The following P2RY14 variants were observed in gnomAD, a reference collection of about 807,000 sequenced individuals.
The protein encoded by P2RY14 is purinergic receptor P2Y14.
P2RY14 carries 2 observed loss-of-function variants against 0.9 expected under a neutral mutation model. That is an observed-to-expected ratio of 2.16 (90% CI 0.88 to 6.79). P2RY14 has a LOEUF of 6.79. Ranked by LOEUF, P2RY14 falls within the 30% of genes most tolerant of loss-of-function variation. The pLI is 0.05. For synonymous variants in P2RY14, 158 were observed against 147.2 expected (o/e 1.07, Z -0.53); for missense variants, 378 against 400.1 (o/e 0.94, Z 0.47).
intron 1 of P2RY14, among the ~76,000 whole-genome samples, chr3:151,236,357 C>T (rs1732799480): frequency 6.6e-6 from 1 of 152,178 alleles, no homozygotes. Flanking sequence ...CCTTTTAAAT[C>T]TCTGGATCAC....
chr3:151,271,017 CAAAA>C (rs56917310), intron 1 of P2RY14, among the ~76,000 whole-genome samples: 1 of 143,974 alleles, frequency 6.9e-6, no homozygotes, highest in Non-Finnish European at 1.5e-5. Context: ...ACCCAAAAAC[CAAAA>C]AAAAAAAAAT....
intron 1 of P2RY14, among the ~76,000 whole-genome samples, chr3:151,274,302 G>A (rs1741488965): frequency 6.6e-6 from 1 of 152,162 alleles, no homozygotes; most frequent in South Asian, 2.1e-4. Flanking sequence ...CCAGTTATAA[G>A]GACAGCTGCT....
At chr3:151,229,894 G>T (rs571916379) in intron 1 of P2RY14, among the ~76,000 whole-genome samples, 1 of 152,208 alleles carries the variant, frequency 6.6e-6, no homozygotes, top group Admixed American at 6.5e-5. Context: ...TGAAGATGTT[G>T]TTCAAGTTGT....
At chr3:151,245,975 AACAG>A (rs1291549128) in intron 1 of P2RY14, among the ~76,000 whole-genome samples, 3 of 151,082 alleles carry the variant, frequency 2.0e-5, no homozygotes, top group Admixed American at 2.0e-4. Context: ...ATACACCAGC[AACAG>A]ACAAACAGAG....
chr3:151,244,974 G>T (rs1735076401), intron 1 of P2RY14, among the ~76,000 whole-genome samples: 1 of 151,408 alleles, frequency 6.6e-6, no homozygotes, highest in African/African-American at 2.4e-5. Flanking sequence ...ACTACCATCA[G>T]ATAATACTAC....
chr3:151,274,951 C>T (rs1183980761), intron 1 of P2RY14, among the ~76,000 whole-genome samples: 3 of 152,154 alleles, frequency 2.0e-5, no homozygotes, highest in African/African-American at 7.2e-5. Flanking sequence ...TTTCATTCAT[C>T]ATCTGTAGCA....
At chr3:151,239,595 T>C (rs571337473) in intron 1 of P2RY14, among the ~76,000 whole-genome samples, 1 of 152,292 alleles carries the variant, frequency 6.6e-6, no homozygotes, top group South Asian at 2.1e-4. Context: ...TATTTAAAAG[T>C]TTTATAACTG....
At chr3:151,272,985 T>C (rs919286428) in intron 1 of P2RY14, among the ~76,000 whole-genome samples, 4 of 152,168 alleles carry the variant, frequency 2.6e-5, no homozygotes, top group African/African-American at 7.2e-5. Flanking sequence ...AGGGCTGACA[T>C]GACTCTCAAA....
intron 1 of P2RY14, among the ~76,000 whole-genome samples, chr3:151,254,277 T>A (rs970133982): frequency 3.3e-5 from 5 of 152,230 alleles, no homozygotes; most frequent in Admixed American, 1.3e-4. Flanking sequence ...CTTTACCAGA[T>A]AATTATGTCC....
At position 151,213,141 on chromosome 3, in the gene P2RY14, A is replaced by G; in HGVS notation, c.*159T>C. On this transcript the variant is annotated 3_prime_UTR_variant, in exon 3 of 3. Coordinates refer to ENST00000309170, the MANE Select transcript of P2RY14 (RefSeq NM_014879.4). Reference sequence around the variant, plus strand: ...TGGGTATGTTTTCTTTGATGTTACAAAAAAGCATGGAAACTTATATTTGAA... The same window carrying G: ...TGGGTATGTTTTCTTTGATGTTACAGAAAAGCATGGAAACTTATATTTGAA... 1.8e-6 allele frequency: 1 copy of G among 571,254 alleles called. No individual in the cohort carries two copies. The highest frequency in any genetic ancestry group is 3.0e-6 in the Non-Finnish European group (1 of 335,142). 35.4% of individuals were successfully genotyped at this position (571,254 alleles called of 1,614,324 possible). A position where few individuals can be genotyped will look rare whatever the true frequency, so the allele number is the denominator to read the frequency against.
intron 1 of P2RY14, among the ~76,000 whole-genome samples, chr3:151,230,375 G>T (rs1321942618): frequency 6.6e-6 from 1 of 152,216 alleles, no homozygotes; most frequent in Non-Finnish European, 1.5e-5. Context: ...TACAGTGTAA[G>T]AAAATAGTCT....
intron 1 of P2RY14, among the ~76,000 whole-genome samples, chr3:151,255,894 G>A (rs1021588158): frequency 2.0e-5 from 3 of 152,156 alleles, no homozygotes; most frequent in African/African-American, 7.2e-5. Context: ...TCTGCAAAAA[G>A]AGTCTAGTAC....
intron 1 of P2RY14, among the ~76,000 whole-genome samples, chr3:151,223,305 A>G (rs541485185): frequency 6.6e-6 from 1 of 152,326 alleles, no homozygotes; most frequent in Admixed American, 6.5e-5. Context: ...AACTAAACAT[A>G]AAATTACCAT....
intron 1 of P2RY14, among the ~76,000 whole-genome samples, chr3:151,220,886 C>T (rs1032339274): frequency 2.6e-5 from 4 of 152,212 alleles, no homozygotes; most frequent in Non-Finnish European, 5.9e-5. Flanking sequence ...AACTTTGGAA[C>T]TGGGCAACAG....
intron 1 of P2RY14, among the ~76,000 whole-genome samples, chr3:151,227,249 C>A (rs79130912): frequency 0.022 from 3,379 of 152,286 alleles, 118 homozygotes; most frequent in African/African-American, 0.077. Context: ...TCTTCTTAGG[C>A]TGAATTGCAG....
At chr3:151,217,026 G>A (rs1434429502) in intron 2 of P2RY14, among the ~76,000 whole-genome samples, 1 of 152,176 alleles carries the variant, frequency 6.6e-6, no homozygotes, top group Non-Finnish European at 1.5e-5. Context: ...GGTAGGTACT[G>A]AGTACTTGTG....
intron 1 of P2RY14, among the ~76,000 whole-genome samples, chr3:151,266,012 A>T (rs184619738): frequency 1.3e-5 from 2 of 152,316 alleles, no homozygotes; most frequent in East Asian, 3.9e-4. Context: ...CAGGTTGCTC[A>T]GTTACAAGAG....
chr3:151,245,044 A>G (rs969315156), intron 1 of P2RY14, among the ~76,000 whole-genome samples: 25 of 152,202 alleles, frequency 1.6e-4, no homozygotes, highest in African/African-American at 5.1e-4. Context: ...TCCTTGACAC[A>G]TACACTCTCC....
chr3:151,263,044 C>T (rs1317465), intron 1 of P2RY14, among the ~76,000 whole-genome samples: 79,967 of 151,802 alleles, frequency 0.53, 21,584 homozygotes, highest in Middle Eastern at 0.67. Flanking sequence ...GAATGACTGT[C>T]GCGTGGGGTG....
Sources: allele counts gnomAD v4.1 joint callset (sites outside exome capture counted in the v4.1 genomes callset), GRCh38; gene constraint gnomAD v4.1.1; transcripts MANE v1.5; gene names NCBI Gene and HGNC (gene_info 2026-07-23, HGNC 2026-07-21).